The following CTXND1 variants were observed in gnomAD, a reference collection of about 807,000 sequenced individuals.
CTXND1 encodes cortexin domain containing 1, also known as cortexin domain-containing 1 protein.
At position 80,207,540 on chromosome 15, in the gene CTXND1, T is replaced by A. The variant is rs117851676; in HGVS notation, c.-217-3800A>T. Among the ~76,000 whole-genome samples the A allele has an allele frequency of 3.5e-4, 54 of 152,344 alleles. No homozygotes were observed. In the East Asian group the frequency reaches 9.2e-3, roughly 26 times the overall value. ...GTCCTTATTTGATAACTCCAATATCTAGGTCATCTGTGAGTTTGCTTCTAT... is the reference window on the plus strand; with the variant it reads ...GTCCTTATTTGATAACTCCAATATCAAGGTCATCTGTGAGTTTGCTTCTAT... On this transcript the variant is annotated intron_variant, in intron 1 of 2. Transcript: ENST00000560778.
At chr15:80,217,315 T>C (rs1044554236) in intron 1 of CTXND1, among the ~76,000 whole-genome samples, 1 of 152,204 alleles carries the variant, frequency 6.6e-6, no homozygotes, top group African/African-American at 2.4e-5. Flanking sequence ...TTTTACATCC[T>C]GAAATAGATC....
rs553559593 is a variant in CTXND1, at chr15:80,201,739, C to T, written c.*31G>A. The T allele has an allele frequency of 1.1e-4, 44 of 398,680 alleles. No individual in the cohort carries two copies. The highest frequency in any genetic ancestry group is 6.8e-4 in the African/African-American group (33 of 48,746). The allele number at this position is 398,680 out of a possible 1,614,324, so 24.7% of individuals were successfully genotyped here. A position where few individuals can be genotyped will look rare whatever the true frequency, so the allele number is the denominator to read the frequency against. On this transcript the variant is annotated 3_prime_UTR_variant, in exon 3 of 3. Transcript: ENST00000560778. ...TCCTGGGGCACAGCCACCCACAGAG[C>T]GCCAGGTCCAGTCCCCACAGCCGCT...
At chr15:80,245,258 C>T (rs1268559452) in intron 1 of CTXND1, among the ~76,000 whole-genome samples, 1 of 152,166 alleles carries the variant, frequency 6.6e-6, no homozygotes, top group East Asian at 1.9e-4. Context: ...AGGTTCTGCC[C>T]CAACCAGCCT....
rs535029791 is a variant in CTXND1, at chr15:80,228,611, C to T, written c.-218+23396G>A. Among the ~76,000 whole-genome samples the T allele has an allele frequency of 6.1e-5, 9 of 148,388 alleles. No homozygotes were observed. In the South Asian group the frequency reaches 1.3e-3, roughly 21 times the overall value. ...AGTATCCCTAATTTGAAGATTCAAA[C>T]GCTGAAATGCTACAAAATCTGAAAC... On this transcript the variant is annotated intron_variant, in intron 1 of 2. Transcript: ENST00000560778.
chr15:80,204,645 T>TTTTATATATATATA (rs1567127795), intron 1 of CTXND1, among the ~76,000 whole-genome samples: 1 of 33,560 alleles, frequency 3.0e-5, no homozygotes, highest in Non-Finnish European at 4.6e-5. Context: ...TAATATTCCA[T>TTTTATATATATATA]TGTATATATA....
At chr15:80,206,455 T>C (rs781258264) in intron 1 of CTXND1, among the ~76,000 whole-genome samples, 2 of 152,302 alleles carry the variant, frequency 1.3e-5, no homozygotes, top group Non-Finnish European at 2.9e-5. Flanking sequence ...TTTCTATTGG[T>C]TTTTTGGTAT....
At chr15:80,247,259 A>T (rs939147236) in intron 1 of CTXND1, among the ~76,000 whole-genome samples, 3 of 152,018 alleles carry the variant, frequency 2.0e-5, no homozygotes, top group Non-Finnish European at 4.4e-5. Flanking sequence ...CCATCCTCCC[A>T]CCACCTTAGC....
At chr15:80,245,652 T>C (rs905275075) in intron 1 of CTXND1, among the ~76,000 whole-genome samples, 1 of 152,184 alleles carries the variant, frequency 6.6e-6, no homozygotes, top group African/African-American at 2.4e-5. Flanking sequence ...GGGCATGGAC[T>C]CTACCTCTTT....
chr15:80,225,117 A>G (rs958851780), intron 1 of CTXND1, among the ~76,000 whole-genome samples: 9 of 152,216 alleles, frequency 5.9e-5, no homozygotes, highest in Non-Finnish European at 1.3e-4. Flanking sequence ...GCTAACACAG[A>G]TTTCTAGGTT....
At chr15:80,238,554 G>A (rs377634090) in intron 1 of CTXND1, among the ~76,000 whole-genome samples, 1 of 147,852 alleles carries the variant, frequency 6.8e-6, no homozygotes, top group Non-Finnish European at 1.5e-5. Flanking sequence ...GCGATTTCTC[G>A]GCTCACTGCA....
At chr15:80,218,157 A>G (rs1027135224) in intron 1 of CTXND1, among the ~76,000 whole-genome samples, 2 of 152,004 alleles carry the variant, frequency 1.3e-5, no homozygotes, top group African/African-American at 4.8e-5. Flanking sequence ...ATTTTTAGAG[A>G]TAGGGTCTTG....
rs934989674 is a variant in CTXND1 at position 80,198,822 on chromosome 15, A to G, written c.*2948T>C. On this transcript the variant is annotated 3_prime_UTR_variant, in exon 3 of 3. Coordinates refer to ENST00000560778, the MANE Select transcript of CTXND1 (RefSeq NM_001352888.2). ...GGAAGAAATCCAAATATTTAATAAT[A>G]GGAGTCTACATAATTATATATGTGC... 2.6e-5 allele frequency: 4 copies of G among 152,258 alleles called. No individual in the cohort carries two copies. Among genetic ancestry groups the G allele is most frequent in the Non-Finnish European group, 4.4e-5 (3 of 68,056 alleles). 9.4% of individuals were successfully genotyped at this position (152,258 alleles called of 1,614,324 possible).
chr15:80,228,704 A>G (rs1237939931), intron 1 of CTXND1, among the ~76,000 whole-genome samples: 3 of 147,592 alleles, frequency 2.0e-5, no homozygotes, highest in African/African-American at 7.6e-5. Context: ...ATCTTGGCTC[A>G]CTGCAACTTC....
In CTXND1 at chr15:80,201,753, C is replaced by A; in HGVS notation, c.*17G>T. On this transcript the variant is annotated 3_prime_UTR_variant, in exon 3 of 3. Coordinates refer to ENST00000560778, the MANE Select transcript of CTXND1 (RefSeq NM_001352888.2). ...CACCCACAGAGCGCCAGGTCCAGTC[C>A]CCACAGCCGCTGTGCCTCAGTCGTC... The A allele has an allele frequency of 2.5e-6, 1 of 398,782 alleles. No individual in the cohort carries two copies. Among genetic ancestry groups the A allele is most frequent in the South Asian group, 1.3e-4 (1 of 7,814 alleles). 24.7% of individuals were successfully genotyped at this position (398,782 alleles called of 1,614,324 possible).
chr15:80,204,171 T>A (rs8027944), intron 1 of CTXND1, among the ~76,000 whole-genome samples: 9,792 of 33,012 alleles, frequency 0.3, 1,365 homozygotes, highest in East Asian at 0.36. Context: ...AAAAAAAAAA[T>A]ATATATATAT....
At chr15:80,229,276 G>A (rs934591266) in intron 1 of CTXND1, among the ~76,000 whole-genome samples, 2 of 152,298 alleles carry the variant, frequency 1.3e-5, no homozygotes, top group African/African-American at 4.8e-5. Flanking sequence ...TTTTACATCA[G>A]TGTTTTATGT....
intron 1 of CTXND1, among the ~76,000 whole-genome samples, chr15:80,241,654 C>T (rs988683134): frequency 7.2e-5 from 11 of 152,178 alleles, no homozygotes; most frequent in Non-Finnish European, 1.5e-4. Flanking sequence ...CTCAGCTCTG[C>T]GTTCCACCCT....
chr15:80,244,228 T>C (rs574198012), intron 1 of CTXND1, among the ~76,000 whole-genome samples: 4 of 152,342 alleles, frequency 2.6e-5, no homozygotes, highest in African/African-American at 4.8e-5. Context: ...ATGCCTTCTT[T>C]CCTCTGAGCC....
chr15:80,208,723 C>G (rs887814355), intron 1 of CTXND1, among the ~76,000 whole-genome samples: 1 of 152,156 alleles, frequency 6.6e-6, no homozygotes, highest in African/African-American at 2.4e-5. Flanking sequence ...ATTCCTTGGA[C>G]CATGCTTTGA....
Sources: allele counts gnomAD v4.1 joint callset (sites outside exome capture counted in the v4.1 genomes callset), GRCh38; gene constraint gnomAD v4.1.1; transcripts MANE v1.5; gene names NCBI Gene and HGNC (gene_info 2026-07-23, HGNC 2026-07-21).